The following LMX1A variants were observed in gnomAD, a reference collection of about 807,000 sequenced individuals.
LMX1A encodes LIM homeobox transcription factor 1-alpha.
LMX1A carries 15 observed loss-of-function variants against 49.1 expected under a neutral mutation model. The ratio of observed to expected loss-of-function variants is 0.31; its 90% confidence interval spans 0.20 to 0.47. LMX1A has a LOEUF of 0.47. Ranked by LOEUF, LMX1A falls within the 20% of genes least tolerant of loss-of-function variation. LMX1A has a pLI of 1.00. For synonymous variants in LMX1A, 167 were observed against 185.7 expected (o/e 0.90, Z 0.82); for missense variants, 372 against 475.8 (o/e 0.78, Z 2.03).
At chr1:165,253,258 C>T (rs925224821) in intron 3 of LMX1A, among the ~76,000 whole-genome samples, 2 of 152,066 alleles carry the variant, frequency 1.3e-5, no homozygotes, top group Non-Finnish European at 2.9e-5. Context: ...AAGAACAATA[C>T]AAAGCAATGT....
At chr1:165,259,666 A>G (rs1346727047) in intron 3 of LMX1A, among the ~76,000 whole-genome samples, 1 of 152,222 alleles carries the variant, frequency 6.6e-6, no homozygotes, top group Non-Finnish European at 1.5e-5. Flanking sequence ...TAAAGGGGCA[A>G]TAATCTACCT....
chr1:165,305,456 TTAAGTATG>T, intron 3 of LMX1A, among the ~76,000 whole-genome samples: 1 of 152,266 alleles, frequency 6.6e-6, no homozygotes, highest in East Asian at 1.9e-4. Context: ...ATCTTGAAGC[TTAAGTATG>T]AAAGGACCCA....
chr1:165,284,002 C>A (rs1383770865), intron 3 of LMX1A, among the ~76,000 whole-genome samples: 1 of 152,200 alleles, frequency 6.6e-6, no homozygotes, highest in Non-Finnish European at 1.5e-5. Context: ...TTCCCCCTCA[C>A]CCCAACCTTC....
intron 3 of LMX1A, among the ~76,000 whole-genome samples, chr1:165,283,778 G>A (rs935751491): frequency 1.3e-5 from 2 of 152,114 alleles, no homozygotes; most frequent in Admixed American, 6.6e-5. Flanking sequence ...TCAAATGTAT[G>A]GTCTTCTAAC....
At chr1:165,301,450 A>G (rs935034053) in intron 3 of LMX1A, among the ~76,000 whole-genome samples, 8 of 152,206 alleles carry the variant, frequency 5.3e-5, no homozygotes, top group African/African-American at 1.9e-4. Context: ...GTTTATTTAC[A>G]TCACACACAC....
intron 3 of LMX1A, among the ~76,000 whole-genome samples, chr1:165,263,208 C>T (rs894118551): frequency 6.6e-6 from 1 of 152,180 alleles, no homozygotes; most frequent in East Asian, 1.9e-4. Context: ...TTTCTATCTC[C>T]ACCCCAGCTT....
chr1:165,295,190 A>G (rs765651094), intron 3 of LMX1A, among the ~76,000 whole-genome samples: 8 of 152,090 alleles, frequency 5.3e-5, no homozygotes, highest in Non-Finnish European at 1.0e-4. Flanking sequence ...TGTTCACAGT[A>G]ATTGTTAAAT....
intron 4 of LMX1A, among the ~76,000 whole-genome samples, chr1:165,220,202 G>A (rs1372558014): frequency 2.0e-5 from 3 of 152,102 alleles, no homozygotes; most frequent in Admixed American, 2.0e-4. Context: ...CTGAATTACA[G>A]TGAGTTGGCA....
At chr1:165,233,065 A>C (rs915579074) in intron 4 of LMX1A, among the ~76,000 whole-genome samples, 1 of 152,028 alleles carries the variant, frequency 6.6e-6, no homozygotes, top group Non-Finnish European at 1.5e-5. Context: ...CACCATAAAC[A>C]CTTTATATAT....
At chr1:165,214,959 G>T (rs1651585347) in intron 4 of LMX1A, among the ~76,000 whole-genome samples, 1 of 152,126 alleles carries the variant, frequency 6.6e-6, no homozygotes, top group African/African-American at 2.4e-5. Context: ...ACACTCCTGA[G>T]AAGGTGCTTC....
At chr1:165,247,650 G>A (rs1048094632) in intron 4 of LMX1A, among the ~76,000 whole-genome samples, 14 of 152,320 alleles carry the variant, frequency 9.2e-5, no homozygotes, top group Middle Eastern at 3.4e-3. Context: ...AAAGGGAGCC[G>A]AACACGGCTG....
intron 3 of LMX1A, among the ~76,000 whole-genome samples, chr1:165,285,008 A>G (rs1028673730): frequency 1.1e-4 from 17 of 152,212 alleles, no homozygotes; most frequent in Non-Finnish European, 2.1e-4. Context: ...GCTATGCCAG[A>G]TGGGAAGTGA....
chr1:165,294,550 C>T (rs1048572039), intron 3 of LMX1A, among the ~76,000 whole-genome samples: 2 of 152,216 alleles, frequency 1.3e-5, no homozygotes, highest in Non-Finnish European at 2.9e-5. Flanking sequence ...CATTTAAACC[C>T]GGCAGTTTCT....
chr1:165,313,850 C>G (rs964335166), intron 3 of LMX1A, among the ~76,000 whole-genome samples: 2 of 152,166 alleles, frequency 1.3e-5, no homozygotes, highest in African/African-American at 2.4e-5. Context: ...GAAAAGCCCT[C>G]TTCAGAAAAA....
intron 4 of LMX1A, among the ~76,000 whole-genome samples, chr1:165,223,809 T>TA (rs34471342): frequency 0.27 from 38,706 of 144,666 alleles, 5,100 homozygotes; most frequent in African/African-American, 0.34. Flanking sequence ...GTACAAACTT[T>TA]AAAAAAAAAA....
At chr1:165,351,163 C>T (rs1024440100) in intron 3 of LMX1A, among the ~76,000 whole-genome samples, 1 of 138,702 alleles carries the variant, frequency 7.2e-6, no homozygotes, top group Non-Finnish European at 1.6e-5. Flanking sequence ...TTCTTTGATT[C>T]GTGATTTTTT....
intron 2 of LMX1A, among the ~76,000 whole-genome samples, chr1:165,354,804 G>A (rs1656550904): frequency 6.6e-6 from 1 of 152,214 alleles, no homozygotes; most frequent in Non-Finnish European, 1.5e-5. Context: ...AGTGGGTGGG[G>A]GAGCCGTAAC....
chr1:165,341,890 T>C (rs572857020), intron 3 of LMX1A, among the ~76,000 whole-genome samples: 2 of 152,334 alleles, frequency 1.3e-5, no homozygotes, highest in Admixed American at 1.3e-4. Flanking sequence ...ATTTAATTAA[T>C]GAACCAACTG....
At chr1:165,212,009 T>C (rs1001616759) in intron 5 of LMX1A, among the ~76,000 whole-genome samples, 6 of 152,142 alleles carry the variant, frequency 3.9e-5, no homozygotes, top group African/African-American at 7.2e-5. Context: ...AAGAAGTAAA[T>C]AAGTGAGGAA....
Sources: allele counts gnomAD v4.1 joint callset (sites outside exome capture counted in the v4.1 genomes callset), GRCh38; gene constraint gnomAD v4.1.1; transcripts MANE v1.5; gene names NCBI Gene and HGNC (gene_info 2026-07-23, HGNC 2026-07-21).